The following SH3GL1 variants were observed in gnomAD, a reference collection of about 807,000 sequenced individuals.
SH3GL1 encodes endophilin-A2.
SH3GL1 carries 21 observed loss-of-function variants against 48.8 expected under a neutral mutation model. The ratio of observed to expected loss-of-function variants is 0.43; its 90% CI spans 0.30 to 0.62. SH3GL1 has a LOEUF of 0.62. Among genes scored for constraint, SH3GL1 ranks in the 20% least tolerant of loss-of-function variants. The pLI is 0.11. For synonymous variants in SH3GL1, 282 were observed against 217.5 expected, an observed-to-expected ratio of 1.30 and a Z score of -2.61; for missense variants, 454 against 503.0, an observed-to-expected ratio of 0.90 and a Z score of 0.93.
At chr19:4,362,492 G>A in intron 8 of SH3GL1, 107 bp from the exon 9 acceptor site, 1 of 1,573,272 alleles carries the variant, frequency 6.4e-7, no homozygotes, top group Non-Finnish European at 8.6e-7. Flanking sequence ...CGGTCCAGAT[G>A]GAGCACGGCT....
intron 1 of SH3GL1, among the ~76,000 whole-genome samples, chr19:4,394,879 T>C (rs890386980): frequency 6.6e-6 from 1 of 152,238 alleles, no homozygotes; most frequent in Admixed American, 6.5e-5. Context: ...CATTGTAGGA[T>C]GCTTGGCAAC....
chr19:4,387,608 A>G (rs1304318410), intron 1 of SH3GL1, among the ~76,000 whole-genome samples: 3 of 151,762 alleles, frequency 2.0e-5, no homozygotes, highest in Non-Finnish European at 2.9e-5. Context: ...CTCTTTCACA[A>G]GAGAGCACAC....
chr19:4,362,151 G>T (rs1255404664), intron 9 of SH3GL1, among the ~76,000 whole-genome samples, 178 bp downstream of exon 9: 1 of 152,224 alleles, frequency 6.6e-6, no homozygotes, highest in African/African-American at 2.4e-5. Flanking sequence ...TTCACACTGT[G>T]AGGCTGAGAC....
At chr19:4,394,499 T>C (rs1385753852) in intron 1 of SH3GL1, among the ~76,000 whole-genome samples, 4 of 152,274 alleles carry the variant, frequency 2.6e-5, no homozygotes, top group Non-Finnish European at 5.9e-5. Flanking sequence ...AACCAGTCTA[T>C]GGCCAGTTCA....
chr19:4,365,062 A>C (rs2144864086), intron 4 of SH3GL1, among the ~76,000 whole-genome samples: 1 of 152,030 alleles, frequency 6.6e-6, no homozygotes, highest in Non-Finnish European at 1.5e-5. Context: ...GCCCCATCCC[A>C]ACTTCTAACA....
intron 1 of SH3GL1, among the ~76,000 whole-genome samples, chr19:4,382,718 C>T (rs1458107111): frequency 6.6e-6 from 1 of 152,164 alleles, no homozygotes; most frequent in Non-Finnish European, 1.5e-5. Flanking sequence ...TGAGGGGCAG[C>T]CGTGGCGGGT....
chr19:4,362,055 G>A (rs1423381447), intron 9 of SH3GL1, among the ~76,000 whole-genome samples: 4 of 152,236 alleles, frequency 2.6e-5, no homozygotes, highest in Non-Finnish European at 5.9e-5. Flanking sequence ...CTGCTGCGGT[G>A]ACAGGGAGTG....
At position 4,400,258 on chromosome 19, in the gene SH3GL1, G is replaced by T; in HGVS notation, c.45+66C>A. On this transcript the variant is annotated intron_variant, in intron 1 of 9. Coordinates refer to ENST00000269886, the MANE Select transcript of SH3GL1 (RefSeq NM_003025.4). This position sits in a 1 kb window ranked among gnomAD's most constrained non-coding sequence, Gnocchi z 4.1. ...CCCGGCCCCCTCCCGGGCCAGGTCG[G>T]GCCTGGCTCCCTCATCCGGGCAGCC... 1 of 1,544,596 alleles carries T rather than the reference G, an allele frequency of 6.5e-7. No homozygotes were observed. Among genetic ancestry groups the T allele is most frequent in the Non-Finnish European group, 8.8e-7 (1 of 1,141,350 alleles).
intron 1 of SH3GL1, among the ~76,000 whole-genome samples, chr19:4,386,171 A>G (rs1322846860): frequency 6.6e-6 from 1 of 152,204 alleles, no homozygotes; most frequent in African/African-American, 2.4e-5. Context: ...CATCTGTTTC[A>G]AACAATCGGG....
In SH3GL1 at chr19:4,361,755, C is replaced by G. The variant is rs138715687; in HGVS notation, c.952G>C (p.Glu318Gln). 117 of 1,611,962 alleles carry G rather than the reference C, an allele frequency of 7.3e-5. No individual in the cohort carries two copies. The highest frequency in any genetic ancestry group is 9.5e-5 in the Non-Finnish European group (112 of 1,179,870). ...QPSCKALYDFEPENDGELGFH... is the reference protein window; with the variant it reads ...QPSCKALYDFQPENDGELGFH... ...CCCAGCTCCCCGTCGTTCTCGGGCTCGAAGTCGTACAGCGCCTTGCAGCTC... is the reference window on the plus strand; with the variant it reads ...CCCAGCTCCCCGTCGTTCTCGGGCTGGAAGTCGTACAGCGCCTTGCAGCTC... The change falls in exon 10 of 10, where the codon GAG becomes CAG. Residue 318 changes from glutamate to glutamine, a missense_variant. By Grantham distance (29) the Glu-to-Gln change is conservative. Coordinates refer to ENST00000269886, the MANE Select transcript of SH3GL1 (RefSeq NM_003025.4).
rs77205429 is a variant in SH3GL1, at chr19:4,360,429, C to T, written c.*1171G>A. On this transcript the variant is annotated 3_prime_UTR_variant, in exon 10 of 10. Coordinates refer to ENST00000269886, the MANE Select transcript of SH3GL1 (RefSeq NM_003025.4). The stretch of plus-strand genomic sequence containing the variant: ...AATTCAGGCGTACATTTCAGTTTGC[C>T]CTGGACCGTGCCCAAAGCTGTGTGC... The T allele has an allele frequency of 3.1e-3, 759 of 244,306 alleles. 7 individuals are homozygous for T. The East Asian group carries it at 0.038, about 12-fold the overall frequency. The allele number at this position is 244,306 out of a possible 1,614,324, so 15.1% of individuals were successfully genotyped here.
chr19:4,362,290 A>C, intron 9 of SH3GL1, 39 bp downstream of exon 9: 1 of 1,597,846 alleles, frequency 6.3e-7, no homozygotes, highest in Non-Finnish European at 8.6e-7. Flanking sequence ...ATGGCCGAGA[A>C]GGCAGCACTG....
At chr19:4,365,398 C>T in intron 4 of SH3GL1, 84 bp downstream of exon 4, 1 of 1,568,478 alleles carries the variant, frequency 6.4e-7, no homozygotes, top group African/African-American at 1.3e-5. Context: ...GCACTCAGCA[C>T]ATGCAGGGCC....
intron 1 of SH3GL1, among the ~76,000 whole-genome samples, chr19:4,397,088 G>C (rs1342491587): frequency 6.6e-6 from 1 of 152,120 alleles, no homozygotes; most frequent in Non-Finnish European, 1.5e-5. Flanking sequence ...GAGGGTGAAA[G>C]AGTTGTTATT....
At chr19:4,391,291 TTTC>T (rs1973333688) in intron 1 of SH3GL1, among the ~76,000 whole-genome samples, 1 of 152,144 alleles carries the variant, frequency 6.6e-6, no homozygotes, top group Non-Finnish European at 1.5e-5. Flanking sequence ...CAGCCCCCAA[TTTC>T]TTCAACTGAG....
Position 4,386,023 on chromosome 19 carries a change from C to A in SH3GL1, c.45+14301G>T, listed in dbSNP as rs141117833. ...AGGGATTCTCAACCTTAGAGAAAAC[C>A]ATCAGAGGCCTCAGGAGAGGATGAA... On this transcript the variant is annotated intron_variant, in intron 1 of 9. Coordinates refer to ENST00000269886, the MANE Select transcript of SH3GL1 (RefSeq NM_003025.4). 1.5e-4 allele frequency among the ~76,000 whole-genome samples: 23 copies of A among 152,278 alleles called. No homozygotes were observed. In the East Asian group the frequency reaches 4.4e-3, roughly 29 times the overall value.
rs755283432 is a variant in SH3GL1 at position 4,384,135 on chromosome 19, A to AGCG, written c.45+16188_45+16189insCGC. On this transcript the variant is annotated intron_variant, in intron 1 of 9. Coordinates refer to ENST00000269886, the MANE Select transcript of SH3GL1 (RefSeq NM_003025.4). ...GAGCGCGGCCTCACTGTACACAACAAAACTGAAAACGCAGGCTCCAGAGGA... is the reference window on the plus strand; with the variant it reads ...GAGCGCGGCCTCACTGTACACAACAAGCGAACTGAAAACGCAGGCTCCAGAGGA... Among the ~76,000 whole-genome samples, 39 of 152,308 alleles carry AGCG rather than the reference A, an allele frequency of 2.6e-4. 1 individual carries two copies. In the East Asian group the frequency reaches 6.4e-3, roughly 25 times the overall value.
rs773137449 is a variant in SH3GL1, at chr19:4,362,414, G to A, written c.854-29C>T. ...AACACAAGCAAAACGAGGAGGCTGT[G>A]GGCTCAAAACGGTCGGGCAGGGCCC... On this transcript the variant is annotated intron_variant, in intron 8 of 9. Transcript: ENST00000269886. 4 of 1,603,486 alleles carry A rather than the reference G, an allele frequency of 2.5e-6. No homozygotes were observed. The South Asian group carries it at 4.5e-5, about 18-fold the overall frequency.
intron 8 of SH3GL1, 67 bp downstream of exon 8, chr19:4,362,545 G>C: frequency 2.5e-6 from 4 of 1,606,366 alleles, no homozygotes; most frequent in Non-Finnish European, 2.5e-6. Flanking sequence ...ACCCAGGACA[G>C]GGCCAGCCCT....
Sources: allele counts gnomAD v4.1 joint callset (sites outside exome capture counted in the v4.1 genomes callset), GRCh38; gene constraint gnomAD v4.1.1; non-coding constraint Gnocchi (gnomAD v3.1); transcripts MANE v1.5; gene names NCBI Gene and HGNC (gene_info 2026-07-23, HGNC 2026-07-21).